NAE1: variants seen among roughly 807,000 people sequenced by gnomAD.
NAE1 encodes the protein NEDD8 activating enzyme E1 subunit 1, also known as NEDD8-activating enzyme E1 regulatory subunit.
In NAE1, 59 loss-of-function variants were observed where a neutral mutation model predicts 88.0. The observed-to-expected ratio is 0.67, with a 90% CI of 0.54 to 0.83. The LOEUF is 0.83. Ranked by LOEUF, NAE1 falls within the 40% of genes least tolerant of loss-of-function variation. The pLI is 0.00. For missense variants in NAE1, 554 were observed against 632.8 expected (o/e 0.88, Z 1.34); for synonymous variants, 186 against 208.9 (o/e 0.89, Z 0.95).
chr16:66,812,386 G>A lies in NAE1; in HGVS notation c.1034+1178C>T, dbSNP rs568769340. ...TAATACATATAGTTCATAGCACAGAGTTAAGGGATCAAATATTAAGTTTAT... is the reference window on the plus strand; with the variant it reads ...TAATACATATAGTTCATAGCACAGAATTAAGGGATCAAATATTAAGTTTAT... On this transcript the variant is annotated intron_variant, in intron 13 of 19. Transcript: ENST00000290810. Among the ~76,000 whole-genome samples, 3 of 152,074 alleles carry A rather than the reference G, an allele frequency of 2.0e-5. No homozygotes were observed. In the South Asian group the frequency reaches 6.2e-4, roughly 32 times the overall value.
chr16:66,826,328 G>T, intron 3 of NAE1, 195 bp downstream of exon 3: 1 of 588,204 alleles, frequency 1.7e-6, no homozygotes, highest in East Asian at 2.8e-5. Context: ...CAGTAATGAT[G>T]GGTAACATTT....
At chr16:66,810,199 C>T (rs900717045) in intron 15 of NAE1, among the ~76,000 whole-genome samples, 175 bp downstream of exon 15, 1 of 152,062 alleles carries the variant, frequency 6.6e-6, no homozygotes, top group African/African-American at 2.4e-5. Flanking sequence ...TCTTAAAATA[C>T]TCGCCATGTA....
Position 66,809,019 on chromosome 16 carries a change from C to A in NAE1, c.1207G>T (p.Gly403Cys). 1 of 1,611,500 alleles carries A rather than the reference C, an allele frequency of 6.2e-7. No individual in the cohort carries two copies. Among genetic ancestry groups the A allele is most frequent in the South Asian group, 1.1e-5 (1 of 90,760 alleles). ...TCATCCTTGTTAATTGTATCCAAAC[C>A]ATATTCTTCAGCTAAGGATCGACAT... is the stretch of plus-strand genomic sequence containing the variant. ...VRCRSLAEEY[G>C]LDTINKDEII... Residue 403 changes from glycine (G) to cysteine (C), a missense_variant, in exon 16 of 20, where the codon GGT (glycine) becomes TGT (cysteine). By Grantham distance (159) the Gly-to-Cys change is radical. Coordinates refer to ENST00000290810, the MANE Select transcript of NAE1 (RefSeq NM_003905.4).
At chr16:66,823,633 GAAAAAACTT>G in intron 4 of NAE1, 33 bp from the exon 5 acceptor site, 1 of 1,561,946 alleles carries the variant, frequency 6.4e-7, no homozygotes, top group South Asian at 1.2e-5. Context: ...ACTTGAATTA[GAAAAAACTT>G]GGTCACAATA....
chr16:66,826,461 G>C (rs1445332626), intron 3 of NAE1, 62 bp downstream of exon 3: 1 of 1,499,214 alleles, frequency 6.7e-7, no homozygotes, highest in East Asian at 2.3e-5. Context: ...CTGAGGAGGT[G>C]AAGCTAAGAC....
At chr16:66,818,948 GCCA>G (rs1020160437) in intron 7 of NAE1, among the ~76,000 whole-genome samples, 4 of 152,152 alleles carry the variant, frequency 2.6e-5, no homozygotes, top group African/African-American at 9.7e-5. Flanking sequence ...ACAGGTGTGA[GCCA>G]CCGTGCCCAG....
intron 3 of NAE1, among the ~76,000 whole-genome samples, chr16:66,825,809 A>G (rs561035306): frequency 4.6e-5 from 7 of 152,216 alleles, no homozygotes; most frequent in Admixed American, 2.0e-4. Context: ...CACTGGCTCC[A>G]TAAGAAGAAA....
At chr16:66,817,399 G>GA in intron 9 of NAE1, 26 bp downstream of exon 9, 1 of 1,537,688 alleles carries the variant, frequency 6.5e-7, no homozygotes. Context: ...AGTTGCATAT[G>GA]AAATTTTTTT....
chr16:66,806,149 A>G, intron 17 of NAE1, 123 bp from the exon 18 acceptor site: 1 of 1,182,496 alleles, frequency 8.5e-7, no homozygotes, highest in Non-Finnish European at 1.1e-6. Flanking sequence ...AACAAAAATA[A>G]CAAAGTATGA....
intron 19 of NAE1, 140 bp downstream of exon 19, chr16:66,805,637 C>CAA (rs77195666): frequency 1.0e-3 from 580 of 558,778 alleles, no homozygotes; most frequent in South Asian, 1.4e-3. Context: ...GACTGCGTCT[C>CAA]AAAAAAAAAA....
intron 1 of NAE1, chr16:66,827,947 A>G: frequency 6.4e-7 from 1 of 1,567,442 alleles, no homozygotes; most frequent in Admixed American, 1.7e-5. Flanking sequence ...CAGCCTCTAG[A>G]GTTGCTGGGA....
chr16:66,803,133 G>C lies in NAE1; in HGVS notation c.1496-15C>G. On this transcript the variant is annotated splice_polypyrimidine_tract_variant and intron_variant, in intron 19 of 19. Coordinates refer to ENST00000290810, the MANE Select transcript of NAE1 (RefSeq NM_003905.4). Reference sequence around the variant, plus strand: ...AGCAGCAGCTCCTGAAAGGAAAAAGGAGAAAAGCAAATCTTTGAAAGAGTA... The same window carrying C: ...AGCAGCAGCTCCTGAAAGGAAAAAGCAGAAAAGCAAATCTTTGAAAGAGTA... The C allele has an allele frequency of 3.3e-6, 5 of 1,512,080 alleles. No homozygotes were observed. Among genetic ancestry groups the C allele is most frequent in the Non-Finnish European group, 4.6e-6 (5 of 1,090,318 alleles). The allele number at this position is 1,512,080 out of a possible 1,614,324, so 93.7% of individuals were successfully genotyped here.
chr16:66,827,036 TG>T (rs1186520198), intron 1 of NAE1, among the ~76,000 whole-genome samples: 1 of 152,178 alleles, frequency 6.6e-6, no homozygotes, highest in East Asian at 1.9e-4. Context: ...CTTATCAGCC[TG>T]GGCACAAGAG....
chr16:66,823,131 A>G (rs928655857), intron 6 of NAE1, 96 bp downstream of exon 6: 49 of 684,706 alleles, frequency 7.2e-5, no homozygotes, highest in Admixed American at 1.6e-4. Context: ...GAATTTAACA[A>G]TTTTTAAAAC....
intron 1 of NAE1, chr16:66,827,550 A>G (rs1960515729): frequency 6.7e-6 from 1 of 149,448 alleles, no homozygotes; most frequent in African/African-American, 2.5e-5. Context: ...CCTGGGCGAC[A>G]GAGCGAGACT....
chr16:66,805,780 C>G lies in NAE1; in HGVS notation c.1492G>C (p.Gly498Arg), dbSNP rs1959539613. The change falls in exon 19 of 20, where the codon GGG (glycine) becomes CGG (arginine). Residue 498 changes from glycine (G) to arginine (R), a missense_variant. By Grantham distance (125) the Gly-to-Arg change is moderately radical. Coordinates refer to ENST00000290810, the MANE Select transcript of NAE1 (RefSeq NM_003905.4). ...TCTTCTCATATATGGAACTCACCCCCCAAGAATGCAGCAATGGTATGTGGC... is the reference window on the plus strand; with the variant it reads ...TCTTCTCATATATGGAACTCACCCCGCAAGAATGCAGCAATGGTATGTGGC... ...AEPHTIAAFL[G>R]GAAAQEVIKI... 2 of 1,487,294 alleles carry G rather than the reference C, an allele frequency of 1.3e-6. No homozygotes were observed. The highest frequency in any genetic ancestry group is 2.4e-5 in the East Asian group (1 of 41,418). 92.1% of individuals were successfully genotyped at this position (1,487,294 alleles called of 1,614,324 possible). A position where few individuals can be genotyped will look rare whatever the true frequency, so the allele number is the denominator to read the frequency against.
chr16:66,808,680 A>C lies in NAE1; in HGVS notation c.1238-67T>G, dbSNP rs1959669700. 5.4e-6 allele frequency: 6 copies of C among 1,120,268 alleles called. No homozygotes were observed. In the East Asian group the frequency reaches 1.2e-4, roughly 22 times the overall value. 69.4% of individuals were successfully genotyped at this position (1,120,268 alleles called of 1,614,324 possible). On this transcript the variant is annotated intron_variant, in intron 16 of 19. Transcript: ENST00000290810. Reference sequence around the variant, plus strand: ...AATGTAACAAACAATGAAGGGCTGAATTTACTATATACTTGAGTTTCAGGA... The same window carrying C: ...AATGTAACAAACAATGAAGGGCTGACTTTACTATATACTTGAGTTTCAGGA...
At chr16:66,806,117 C>A in intron 17 of NAE1, 91 bp from the exon 18 acceptor site, 2 of 1,369,342 alleles carry the variant, frequency 1.5e-6, no homozygotes, top group East Asian at 2.6e-5. Flanking sequence ...ATGTTCTAGT[C>A]AAAATATGTA....
chr16:66,806,315 TAATG>T (rs1369654909), intron 17 of NAE1, among the ~76,000 whole-genome samples: 26 of 152,186 alleles, frequency 1.7e-4, no homozygotes, highest in African/African-American at 6.3e-4. Context: ...TAGAAGAACT[TAATG>T]AATGAGAAAG....
Sources: allele counts gnomAD v4.1 joint callset (sites outside exome capture counted in the v4.1 genomes callset), GRCh38; gene constraint gnomAD v4.1.1; transcripts MANE v1.5; gene names NCBI Gene and HGNC (gene_info 2026-07-23, HGNC 2026-07-21).